The following DTNB variants were observed in gnomAD, a reference collection of about 807,000 sequenced individuals.
DTNB encodes DTN-B.
A neutral mutation model predicts 90.7 loss-of-function variants in DTNB; 63 were observed. The observed-to-expected ratio is 0.69, with a 90% CI of 0.57 to 0.86. DTNB has a LOEUF of 0.86. Ranked by LOEUF, DTNB falls within the 40% of genes least tolerant of loss-of-function variation. The pLI is 0.00. For synonymous variants in DTNB, 277 were observed against 286.7 expected (o/e 0.97, Z 0.34); for missense variants, 744 against 807.1 (o/e 0.92, Z 0.95).
chr2:25,567,925 C>T (rs1162859297), intron 8 of DTNB, among the ~76,000 whole-genome samples: 1 of 152,178 alleles, frequency 6.6e-6, no homozygotes, highest in Non-Finnish European at 1.5e-5. Context: ...CTTTGGGAGG[C>T]CACGGTGGGC....
At chr2:25,536,370 T>C (rs2079759934) in intron 8 of DTNB, among the ~76,000 whole-genome samples, 2 of 152,080 alleles carry the variant, frequency 1.3e-5, no homozygotes, top group African/African-American at 4.8e-5. Context: ...AGGTGGAGGT[T>C]GTAGCGAGCC....
In DTNB at chr2:25,555,304, A is replaced by C. The variant is rs528293675; in HGVS notation, c.876+21534T>G. 1.9e-3 allele frequency among the ~76,000 whole-genome samples: 292 copies of C among 151,840 alleles called. 2 individuals are homozygous for C. Among genetic ancestry groups the C allele is most frequent in the Non-Finnish European group, 3.3e-3 (221 of 67,926 alleles). On this transcript the variant is annotated intron_variant, in intron 8 of 20. Transcript: ENST00000406818. ...AGACTCCGTCTCCAAAAAAAAAAAA[A>C]AAAAACAAAAAGGTCTGAAGCAAAT...
intron 9 of DTNB, among the ~76,000 whole-genome samples, chr2:25,527,577 C>T (rs1317239748): frequency 6.6e-6 from 1 of 151,640 alleles, no homozygotes; most frequent in Non-Finnish European, 1.5e-5. Context: ...ATAAAAAAGG[C>T]CCATTAGCAC....
intron 8 of DTNB, 127 bp from the exon 9 acceptor site, chr2:25,531,724 A>G: frequency 7.8e-7 from 1 of 1,290,300 alleles, no homozygotes; most frequent in South Asian, 1.5e-5. Context: ...GTTTCATTAC[A>G]TCAATATCAT....
At chr2:25,540,751 T>C (rs948951219) in intron 8 of DTNB, among the ~76,000 whole-genome samples, 1 of 152,160 alleles carries the variant, frequency 6.6e-6, no homozygotes, top group Non-Finnish European at 1.5e-5. Context: ...CCCCCAACCC[T>C]GTGCTCTCTG....
At chr2:25,670,272 T>C (rs1206950827) in intron 1 of DTNB, among the ~76,000 whole-genome samples, 2 of 152,188 alleles carry the variant, frequency 1.3e-5, no homozygotes, top group Admixed American at 6.5e-5. Context: ...GTATTACCTA[T>C]ATATACATGA....
chr2:25,580,551 C>CT (rs1255215762), intron 7 of DTNB, among the ~76,000 whole-genome samples, 170 bp downstream of exon 7: 4 of 151,750 alleles, frequency 2.6e-5, no homozygotes, highest in South Asian at 2.1e-4. Context: ...AGTACCCTCC[C>CT]TTTTTTAAAA....
intron 4 of DTNB, among the ~76,000 whole-genome samples, chr2:25,627,948 G>A (rs1339980907): frequency 6.6e-6 from 1 of 151,972 alleles, no homozygotes; most frequent in Non-Finnish European, 1.5e-5. Context: ...GTGTTAGCCG[G>A]GATGGTCTCC....
chr2:25,572,696 A>G (rs2060065849), intron 8 of DTNB, among the ~76,000 whole-genome samples: 1 of 151,498 alleles, frequency 6.6e-6, no homozygotes, highest in South Asian at 2.1e-4. Context: ...TATAGCTCAA[A>G]TATTTAAGGG....
intron 16 of DTNB, among the ~76,000 whole-genome samples, chr2:25,401,461 G>A (rs530843885): frequency 6.6e-6 from 1 of 152,342 alleles, no homozygotes; most frequent in South Asian, 2.1e-4. Flanking sequence ...CACATGCTGT[G>A]GCAGAGAGAA....
Position 25,662,676 on chromosome 2 carries a change from ACACAAAC to A in DTNB, c.-1-10022_-1-10016del, listed in dbSNP as rs1559430543. Among the ~76,000 whole-genome samples the A allele has an allele frequency of 2.1e-3, 177 of 84,138 alleles. 1 individual carries two copies. Among genetic ancestry groups the A allele is most frequent in the African/African-American group, 4.8e-3 (153 of 31,692 alleles). 55.2% of individuals were successfully genotyped at this position (84,138 alleles called of 152,430 possible). A position where few individuals can be genotyped will look rare whatever the true frequency, so the allele number is the denominator to read the frequency against. On this transcript the variant is annotated intron_variant, in intron 1 of 20. Transcript: ENST00000406818. ...TACACACACACACACACACACACAC[ACACAAAC>A]ACACACACACACACACACACACACA...
intron 4 of DTNB, among the ~76,000 whole-genome samples, chr2:25,619,877 T>C (rs1373656764): frequency 6.6e-6 from 1 of 151,806 alleles, no homozygotes; most frequent in Non-Finnish European, 1.5e-5. Flanking sequence ...CCATCTCTAC[T>C]AAAAATACAA....
intron 19 of DTNB, among the ~76,000 whole-genome samples, chr2:25,381,157 T>C (rs1158371455): frequency 6.6e-6 from 1 of 152,180 alleles, no homozygotes; most frequent in Non-Finnish European, 1.5e-5. Flanking sequence ...CCAGGAACAT[T>C]CCACATGAAT....
chr2:25,493,221 G>A (rs1424129959), intron 9 of DTNB, among the ~76,000 whole-genome samples: 7 of 152,044 alleles, frequency 4.6e-5, no homozygotes, highest in Admixed American at 2.6e-4. Context: ...TCATTTGCTC[G>A]ACTTCTTTTT....
Position 25,451,637 on chromosome 2 carries a change from TG to T in DTNB, c.1170-3del. On this transcript the variant is annotated splice_polypyrimidine_tract_variant and splice_region_variant and intron_variant, in intron 11 of 20. Transcript: ENST00000406818. ...AGTCGGCTAGGACTGTCCAGAACAC[TG>T]CCAAGGAAATAAAAATGCAACAAGT... is the stretch of plus-strand genomic sequence containing the variant. 6.3e-7 allele frequency: 1 copy of T among 1,578,650 alleles called. No homozygotes were observed. Among genetic ancestry groups the T allele is most frequent in the Non-Finnish European group, 8.6e-7 (1 of 1,160,020 alleles).
intron 12 of DTNB, among the ~76,000 whole-genome samples, chr2:25,450,361 CA>C (rs1298223686): frequency 1.3e-5 from 2 of 152,228 alleles, no homozygotes; most frequent in African/African-American, 4.8e-5. Flanking sequence ...TGACCTTACA[CA>C]TGAGTGTCTT....
chr2:25,580,366 T>TA, intron 7 of DTNB, among the ~76,000 whole-genome samples: 1 of 151,782 alleles, frequency 6.6e-6, no homozygotes, highest in African/African-American at 2.4e-5. Flanking sequence ...ACTAAAAAGA[T>TA]AAAAATTAAC....
Position 25,531,547 on chromosome 2 carries a change from A to C in DTNB, c.927T>G (p.Cys309Trp). The C allele has an allele frequency of 6.2e-7, 1 of 1,613,870 alleles. No homozygotes were observed. The highest frequency in any genetic ancestry group is 8.5e-7 in the Non-Finnish European group (1 of 1,179,858). Reference protein sequence around the residue: ...LSHAISKSLGCVPTREPPHPV... With the variant: ...LSHAISKSLGWVPTREPPHPV... Reference sequence around the variant, plus strand: ...GATGCGGGGGTTCTCTCGTGGGTACACACCCCAAAGATTTACTAATTGCAT... The same window carrying C: ...GATGCGGGGGTTCTCTCGTGGGTACCCACCCCAAAGATTTACTAATTGCAT... The change falls in exon 9 of 21, where the codon TGT (cysteine) becomes TGG (tryptophan). Residue 309 changes from cysteine to tryptophan, a missense_variant. Transcript: ENST00000406818.
intron 7 of DTNB, among the ~76,000 whole-genome samples, chr2:25,577,474 A>G (rs115195915): frequency 0.022 from 3,381 of 152,134 alleles, 124 homozygotes; most frequent in African/African-American, 0.075. Context: ...AGAACTAAAG[A>G]ATCTAAATTG....
Sources: gnomAD v4.1 joint callset for allele counts (sites outside exome capture counted in the v4.1 genomes callset) on GRCh38, gnomAD v4.1.1 for gene constraint, MANE v1.5 for transcripts, NCBI Gene and HGNC (gene_info 2026-07-23, HGNC 2026-07-21) for gene names.